The following S100PBP variants were observed in gnomAD, a reference collection of about 807,000 sequenced individuals.
S100PBP encodes S100P binding protein.
S100PBP carries 15 observed loss-of-function variants against 39.9 expected under a neutral mutation model. The observed-to-expected ratio is 0.38, with a 90% CI of 0.25 to 0.58. The LOEUF is 0.58. S100PBP is among the 20% of genes least tolerant of loss of function. S100PBP has a pLI of 0.70. For missense variants in S100PBP, 504 were observed against 487.3 expected (o/e 1.03, Z -0.32); for synonymous variants, 178 against 180.3 (o/e 0.99, Z 0.10).
intron 5 of S100PBP, among the ~76,000 whole-genome samples, chr1:32,841,092 C>T (rs376008039): frequency 1.1e-4 from 17 of 150,098 alleles, no homozygotes; most frequent in East Asian, 6.0e-4. Context: ...ACCCGGGAGA[C>T]GGAGCTTGCA....
At chr1:32,821,933 G>T (rs181524851) in intron 1 of S100PBP, among the ~76,000 whole-genome samples, 3 of 151,962 alleles carry the variant, frequency 2.0e-5, no homozygotes, top group African/African-American at 7.3e-5. Context: ...GCCATCTCGC[G>T]TATTGTTTTT....
intron 1 of S100PBP, among the ~76,000 whole-genome samples, chr1:32,819,980 A>C (rs1410550466): frequency 6.6e-6 from 1 of 152,070 alleles, no homozygotes; most frequent in East Asian, 1.9e-4. Flanking sequence ...TAATTTGCAT[A>C]ATTTGCCGGA....
At chr1:32,818,438 T>A (rs371134398) in intron 1 of S100PBP, 2 of 152,260 alleles carry the variant, frequency 1.3e-5, no homozygotes, top group Non-Finnish European at 2.9e-5. Context: ...AGTTATTACC[T>A]CAGTGGGCCC....
intron 1 of S100PBP, chr1:32,824,822 C>CTATATATATATATATATATATATATA (rs1639250006): frequency 5.1e-5 from 1 of 19,534 alleles, no homozygotes; most frequent in African/African-American, 1.3e-4. Context: ...TGCATTTTTT[C>CTATATATATATATATATATATATATA]TATACATATA....
At chr1:32,854,083 A>C (rs1473667114) in intron 6 of S100PBP, among the ~76,000 whole-genome samples, 8 of 151,978 alleles carry the variant, frequency 5.3e-5, no homozygotes, top group Admixed American at 5.3e-4. Flanking sequence ...AAATTTATTC[A>C]GTTACTTTGA....
upstream of S100PBP, chr1:32,816,783 A>G: frequency 4.7e-6 from 1 of 212,678 alleles, no homozygotes; most frequent in Non-Finnish European, 9.6e-6. Context: ...TTCCCTTTAA[A>G]GCTCCCAGTA....
At chr1:32,840,961 C>T (rs1640062766) in intron 5 of S100PBP, among the ~76,000 whole-genome samples, 1 of 151,426 alleles carries the variant, frequency 6.6e-6, no homozygotes, top group South Asian at 2.1e-4. Flanking sequence ...GAGATTGAGG[C>T]CGTCCTGGCT....
At chr1:32,843,271 C>G (rs1220123037) in intron 5 of S100PBP, 1 of 152,106 alleles carries the variant, frequency 6.6e-6, no homozygotes, top group African/African-American at 2.4e-5. Flanking sequence ...TTTTCTGGTG[C>G]TGCCTAGAAC....
At chr1:32,826,982 G>C (rs1435564726) in intron 3 of S100PBP, 52 bp downstream of exon 3, 11 of 1,291,258 alleles carry the variant, frequency 8.5e-6, no homozygotes, top group Non-Finnish European at 7.4e-6. Flanking sequence ...TTTTTATTCA[G>C]ATGTATAGCA....
At chr1:32,818,615 TTC>T in intron 1 of S100PBP, 1 of 152,398 alleles carries the variant, frequency 6.6e-6, no homozygotes, top group Non-Finnish European at 1.5e-5. Context: ...AGCGCATCTG[TTC>T]TCTGTGTCCA....
intron 6 of S100PBP, among the ~76,000 whole-genome samples, chr1:32,854,935 T>C (rs1358153505): frequency 6.6e-6 from 1 of 152,194 alleles, no homozygotes; most frequent in Non-Finnish European, 1.5e-5. Context: ...CTTACTCTAC[T>C]CTATGACCTT....
intron 4 of S100PBP, among the ~76,000 whole-genome samples, chr1:32,828,968 C>T (rs11801675): frequency 0.077 from 11,671 of 152,216 alleles, 1,269 homozygotes; most frequent in African/African-American, 0.24. Context: ...TGCCACTGCA[C>T]ACCAGCCTGG....
chr1:32,830,336 C>G (rs200624030), intron 5 of S100PBP, among the ~76,000 whole-genome samples: 3 of 149,726 alleles, frequency 2.0e-5, no homozygotes, highest in African/African-American at 7.5e-5. Flanking sequence ...TAACCCAGAC[C>G]GGTACATTTT....
intron 6 of S100PBP, 97 bp downstream of exon 6, chr1:32,853,263 G>C (rs1640690760): frequency 5.2e-6 from 1 of 192,814 alleles, no homozygotes; most frequent in Non-Finnish European, 9.5e-6. Flanking sequence ...CAAGGTGGGT[G>C]GGTCGTTTGA....
chr1:32,835,759 T>C (rs1438849258), intron 5 of S100PBP: 1 of 152,134 alleles, frequency 6.6e-6, no homozygotes, highest in Non-Finnish European at 1.5e-5. Context: ...TTTTTATTTT[T>C]ATTTTTTTTC....
At chr1:32,827,858 A>G (rs1254568816) in intron 3 of S100PBP, 135 bp from the exon 4 acceptor site, 1 of 496,558 alleles carries the variant, frequency 2.0e-6, no homozygotes, top group Non-Finnish European at 3.7e-6. Context: ...CTACTGTTAT[A>G]CGTGGTACAC....
intron 6 of S100PBP, among the ~76,000 whole-genome samples, chr1:32,854,143 C>A (rs577160726): frequency 1.3e-5 from 2 of 152,170 alleles, no homozygotes; most frequent in Non-Finnish European, 1.5e-5. Flanking sequence ...TTCTCTCTCA[C>A]CCCATATTCA....
intron 5 of S100PBP, among the ~76,000 whole-genome samples, chr1:32,833,424 C>T (rs917855926): frequency 4.7e-5 from 7 of 150,360 alleles, no homozygotes; most frequent in South Asian, 2.1e-4. Flanking sequence ...TGCAGTGGCG[C>T]GATCTCGGCT....
chr1:32,858,455 CAT>C lies in S100PBP; in HGVS notation c.*2418_*2419del, dbSNP rs1475179706. On this transcript the variant is annotated 3_prime_UTR_variant, in exon 7 of 7. Coordinates refer to ENST00000373475, the MANE Select transcript of S100PBP (RefSeq NM_022753.4). The stretch of plus-strand genomic sequence containing the variant: ...AGAAAAAACAAAGCCAAAGAAAACT[CAT>C]TATCTGGCATGTTCGCCTTAAAGAT... The C allele has an allele frequency of 1.3e-5, 2 of 152,624 alleles. No homozygotes were observed. The highest frequency in any genetic ancestry group is 2.9e-5 in the Non-Finnish European group (2 of 68,028). The allele number at this position is 152,624 out of a possible 1,614,324, so 9.5% of individuals were successfully genotyped here.
Sources: allele counts gnomAD v4.1 joint callset (sites outside exome capture counted in the v4.1 genomes callset), GRCh38; gene constraint gnomAD v4.1.1; transcripts MANE v1.5; gene names NCBI Gene and HGNC (gene_info 2026-07-23, HGNC 2026-07-21).